The following TMCC1 variants were observed in gnomAD, a reference collection of about 807,000 sequenced individuals.
TMCC1 encodes transmembrane and coiled-coil domain family 1, also known as transmembrane and coiled-coil domains protein 1.
TMCC1 carries 15 observed loss-of-function variants against 52.4 expected under a neutral mutation model. The observed-to-expected ratio is 0.29, with a 90% CI of 0.19 to 0.44. The LOEUF is 0.44. Ranked by LOEUF, TMCC1 falls within the 20% of genes least tolerant of loss-of-function variation. TMCC1 has a pLI of 1.00. For missense variants in TMCC1, 503 were observed against 806.0 expected, an observed-to-expected ratio of 0.62 and a Z score of 4.55; for synonymous variants, 279 against 301.9, an observed-to-expected ratio of 0.92 and a Z score of 0.79.
At position 129,828,867 on chromosome 3, in the gene TMCC1, G is replaced by C. The variant is rs529943588; in HGVS notation, c.-130-359C>G. ...ACAGCCATTGCTTGGGAAATCAAGAGAAGAGACCATCCAATAGGTTTACTC... is the reference window on the plus strand; with the variant it reads ...ACAGCCATTGCTTGGGAAATCAAGACAAGAGACCATCCAATAGGTTTACTC... On this transcript the variant is annotated intron_variant, in intron 3 of 6. Transcript: ENST00000393238. This position sits in a 1 kb window ranked among gnomAD's most constrained non-coding sequence, Gnocchi z 4.1. Among the ~76,000 whole-genome samples, 3 of 152,334 alleles carry C rather than the reference G, an allele frequency of 2.0e-5. No homozygotes were observed. In the East Asian group the frequency reaches 5.8e-4, roughly 29 times the overall value.
At chr3:129,864,811 AG>A (rs2060548127) in intron 2 of TMCC1, among the ~76,000 whole-genome samples, 1 of 152,190 alleles carries the variant, frequency 6.6e-6, no homozygotes, top group Non-Finnish European at 1.5e-5. Context: ...TTTTTCCTGT[AG>A]TAAAATCCCC....
At chr3:129,732,464 C>G (rs2050618341) in intron 4 of TMCC1, among the ~76,000 whole-genome samples, 1 of 152,142 alleles carries the variant, frequency 6.6e-6, no homozygotes, top group African/African-American at 2.4e-5. Context: ...TGTTTGGGGT[C>G]AGATTTCTGC....
At chr3:129,748,672 C>A (rs2052214789) in intron 4 of TMCC1, among the ~76,000 whole-genome samples, 2 of 152,074 alleles carry the variant, frequency 1.3e-5, no homozygotes. Flanking sequence ...ATTATAGTAG[C>A]TACTACATAC....
chr3:129,854,614 T>C (rs1663647316), intron 2 of TMCC1, among the ~76,000 whole-genome samples: 1 of 152,074 alleles, frequency 6.6e-6, no homozygotes, highest in African/African-American at 2.4e-5. Flanking sequence ...AGGTCCTTCA[T>C]TTCACCATTC....
rs373353818 is a variant in TMCC1, at chr3:129,712,273, T to C, written c.577-41009A>G. ...TATAAGGCTTTTGTTTAAATTTAGA[T>C]TTTGCAATACATGAGCTGTTCCAGT... On this transcript the variant is annotated intron_variant, in intron 4 of 6. Coordinates refer to ENST00000393238, the MANE Select transcript of TMCC1 (RefSeq NM_001017395.5). Among the ~76,000 whole-genome samples, 7 of 152,306 alleles carry C rather than the reference T, an allele frequency of 4.6e-5. No individual in the cohort carries two copies. The East Asian group carries it at 1.3e-3, about 29-fold the overall frequency.
At position 129,879,041 on chromosome 3, in the gene TMCC1, G is replaced by A. The variant is rs764089588; in HGVS notation, c.-184+1268C>T. Among the ~76,000 whole-genome samples the A allele has an allele frequency of 2.0e-5, 3 of 152,114 alleles. No individual in the cohort carries two copies. The South Asian group carries it at 6.2e-4, about 31-fold the overall frequency. ...TGTCACCTTCTGTATGAAGCCATCT[G>A]TGAACACTCAACCCCTTCCCCTCAA... On this transcript the variant is annotated intron_variant, in intron 2 of 6. Transcript: ENST00000393238.
At chr3:129,675,469 A>T (rs2088337867) in intron 4 of TMCC1, among the ~76,000 whole-genome samples, 1 of 152,206 alleles carries the variant, frequency 6.6e-6, no homozygotes, top group Non-Finnish European at 1.5e-5. Context: ...AACAAATATA[A>T]AAGGGCTTAG....
chr3:129,872,158 C>T (rs1033152769), intron 2 of TMCC1, among the ~76,000 whole-genome samples: 1 of 152,196 alleles, frequency 6.6e-6, no homozygotes, highest in East Asian at 1.9e-4. Flanking sequence ...ATTCCAACAG[C>T]CATTTCTCCC....
intron 4 of TMCC1, among the ~76,000 whole-genome samples, chr3:129,766,810 G>A (rs1355413545): frequency 6.6e-6 from 1 of 151,862 alleles, no homozygotes; most frequent in African/African-American, 2.4e-5. Flanking sequence ...GTGGAGATAA[G>A]GTTTTGCCAT....
intron 4 of TMCC1, among the ~76,000 whole-genome samples, chr3:129,765,219 CA>C (rs1225867978): frequency 2.6e-5 from 4 of 151,348 alleles, no homozygotes; most frequent in African/African-American, 9.7e-5. Flanking sequence ...TGATATTGAG[CA>C]AGGGTTTTAA....
chr3:129,736,663 A>T (rs2050995659), intron 4 of TMCC1, among the ~76,000 whole-genome samples: 1 of 151,704 alleles, frequency 6.6e-6, no homozygotes, highest in Non-Finnish European at 1.5e-5. Context: ...CTGGGATCAC[A>T]GGCGCCCGCC....
intron 4 of TMCC1, among the ~76,000 whole-genome samples, chr3:129,714,276 G>A (rs945376171): frequency 6.6e-6 from 1 of 152,168 alleles, no homozygotes; most frequent in African/African-American, 2.4e-5. Flanking sequence ...GTTTATCAGT[G>A]TATATATTTT....
intron 4 of TMCC1, among the ~76,000 whole-genome samples, chr3:129,726,655 G>T (rs142550491): frequency 1.7e-4 from 26 of 151,450 alleles, no homozygotes; most frequent in Non-Finnish European, 3.1e-4. Flanking sequence ...GAGGTGGGAG[G>T]ATCACCTGAG....
chr3:129,821,442 G>T (rs563472796), intron 4 of TMCC1, among the ~76,000 whole-genome samples: 1 of 152,250 alleles, frequency 6.6e-6, no homozygotes, highest in African/African-American at 2.4e-5. Context: ...TGTTAAGAAT[G>T]ATCTGATATA....
intron 2 of TMCC1, among the ~76,000 whole-genome samples, chr3:129,859,186 G>A (rs543987979): frequency 1.3e-5 from 2 of 152,154 alleles, no homozygotes; most frequent in East Asian, 3.9e-4. Context: ...CTTACTCAAG[G>A]AGAAAAAGGT....
At chr3:129,756,700 T>C (rs1341792092) in intron 4 of TMCC1, among the ~76,000 whole-genome samples, 5 of 152,156 alleles carry the variant, frequency 3.3e-5, no homozygotes, top group Admixed American at 6.6e-5. Flanking sequence ...CCCGGCCAGA[T>C]GGATGAATCT....
intron 4 of TMCC1, chr3:129,688,557 C>T (rs1002107622): frequency 3.0e-6 from 3 of 985,422 alleles, no homozygotes; most frequent in South Asian, 4.7e-5. Flanking sequence ...GCCAATCCTC[C>T]GCAGTGCCCA....
At chr3:129,794,974 A>T (rs2056725003) in intron 4 of TMCC1, among the ~76,000 whole-genome samples, 1 of 152,120 alleles carries the variant, frequency 6.6e-6, no homozygotes, top group Non-Finnish European at 1.5e-5. Context: ...CTCCCTGCTC[A>T]AGAAGGAAAC....
At chr3:129,833,303 G>A (rs2059005515) in intron 2 of TMCC1, among the ~76,000 whole-genome samples, 1 of 152,044 alleles carries the variant, frequency 6.6e-6, no homozygotes, top group Non-Finnish European at 1.5e-5. Flanking sequence ...CTTAGGCCAG[G>A]CATGATGGCT....
Sources: allele counts gnomAD v4.1 joint callset (sites outside exome capture counted in the v4.1 genomes callset), GRCh38; gene constraint gnomAD v4.1.1; non-coding constraint Gnocchi (gnomAD v3.1); transcripts MANE v1.5; gene names NCBI Gene and HGNC (gene_info 2026-07-23, HGNC 2026-07-21).